Variants in TTC39B observed in about 807,000 individuals in gnomAD.
TTC39B encodes tetratricopeptide repeat protein 39B.
A neutral mutation model predicts 96.6 loss-of-function variants in TTC39B; 92 were observed. The observed-to-expected ratio is 0.95, with a 90% CI of 0.80 to 1.13. The LOEUF is 1.13. TTC39B is among the 50% of genes most tolerant of loss of function. The pLI is 0.00. For synonymous variants in TTC39B, 367 were observed against 299.4 expected (o/e 1.23, Z -2.33); for missense variants, 955 against 809.3 (o/e 1.18, Z -2.18).
chr9:15,214,328 G>C lies in TTC39B; in HGVS notation c.372-79C>G, dbSNP rs531943202. ...TTGTCCGAAGGGAGTGTGTGTGTGT[G>C]TGTGTGTGTGTGTGTGTGTCTGTGT... On this transcript the variant is annotated intron_variant, in intron 3 of 19. Transcript: ENST00000512701. 1.5e-4 allele frequency: 120 copies of C among 827,170 alleles called. No homozygotes were observed. In the African/African-American group the frequency reaches 1.8e-3, roughly 12 times the overall value. 51.2% of individuals were successfully genotyped at this position (827,170 alleles called of 1,614,324 possible).
At chr9:15,210,781 A>G (rs746128389) in intron 5 of TTC39B, among the ~76,000 whole-genome samples, 10 of 152,196 alleles carry the variant, frequency 6.6e-5, no homozygotes, top group Non-Finnish European at 1.3e-4. Flanking sequence ...TATCAAAATA[A>G]CTTACCCCTT....
intron 17 of TTC39B, 82 bp downstream of exon 17, chr9:15,182,225 G>C (rs1818283908): frequency 2.4e-6 from 2 of 824,522 alleles, no homozygotes; most frequent in Non-Finnish European, 3.8e-6. Context: ...AATTAATGTT[G>C]GCAGATGTGC....
chr9:15,173,346 G>A (rs142602235), intron 19 of TTC39B, among the ~76,000 whole-genome samples: 142 of 152,164 alleles, frequency 9.3e-4, no homozygotes, highest in African/African-American at 2.8e-3. Flanking sequence ...TACCATGCCC[G>A]TAAAGCTTTT....
intron 1 of TTC39B, among the ~76,000 whole-genome samples, chr9:15,290,467 A>G (rs577633645): frequency 1.3e-5 from 2 of 152,176 alleles, no homozygotes; most frequent in Non-Finnish European, 2.9e-5. Flanking sequence ...CTTTACCATA[A>G]AACAGAGTTC....
intron 2 of TTC39B, among the ~76,000 whole-genome samples, chr9:15,265,079 G>A (rs1338389229): frequency 6.6e-6 from 1 of 152,186 alleles, no homozygotes; most frequent in Non-Finnish European, 1.5e-5. Context: ...CTAACAAATG[G>A]TGCTGGAATA....
intron 2 of TTC39B, among the ~76,000 whole-genome samples, chr9:15,258,552 G>A (rs1181838376): frequency 6.6e-6 from 1 of 152,202 alleles, no homozygotes; most frequent in Non-Finnish European, 1.5e-5. Flanking sequence ...GCAGCAGGGA[G>A]CAGCAGCCAT....
chr9:15,250,109 A>T lies in TTC39B; in HGVS notation c.275+17805T>A, dbSNP rs1020094370. On this transcript the variant is annotated intron_variant, in intron 2 of 19. Transcript: ENST00000512701. ...GTGAGACTCTCAATTCTCAGGCACA[A>T]GCAAAGTAGTTGCCGAGGCAGCTGA... 1.2e-5 allele frequency: 15 copies of T among 1,256,342 alleles called. No homozygotes were observed. In the African/African-American group the frequency reaches 2.3e-4, roughly 20 times the overall value. The allele number at this position is 1,256,342 out of a possible 1,614,324, so 77.8% of individuals were successfully genotyped here. A position where few individuals can be genotyped will look rare whatever the true frequency, so the allele number is the denominator to read the frequency against.
At chr9:15,191,846 T>A (rs1044174308) in intron 9 of TTC39B, among the ~76,000 whole-genome samples, 5 of 152,214 alleles carry the variant, frequency 3.3e-5, no homozygotes, top group African/African-American at 1.2e-4. Context: ...AGAAGGATCA[T>A]GATTGGAAAA....
intron 2 of TTC39B, among the ~76,000 whole-genome samples, chr9:15,232,651 G>T (rs1234784979): frequency 6.6e-6 from 1 of 152,172 alleles, no homozygotes; most frequent in African/African-American, 2.4e-5. Context: ...AAGAAATGAG[G>T]GAAGAGACTA....
chr9:15,275,501 T>C (rs1409288505), intron 1 of TTC39B, among the ~76,000 whole-genome samples: 1 of 152,218 alleles, frequency 6.6e-6, no homozygotes, highest in Non-Finnish European at 1.5e-5. Context: ...AAGATTACTT[T>C]CTATGCATTT....
intron 2 of TTC39B, among the ~76,000 whole-genome samples, chr9:15,247,581 T>A (rs928226543): frequency 6.6e-6 from 1 of 152,116 alleles, no homozygotes; most frequent in Non-Finnish European, 1.5e-5. Flanking sequence ...GATTTTTCCA[T>A]TAGCATTCCT....
chr9:15,275,527 C>T (rs183685122), intron 1 of TTC39B, among the ~76,000 whole-genome samples: 16 of 152,286 alleles, frequency 1.1e-4, no homozygotes, highest in East Asian at 1.9e-4. Context: ...CTACCAGCAT[C>T]GATACGCCAA....
chr9:15,267,766 T>C (rs574887567), intron 2 of TTC39B, 148 bp downstream of exon 2: 37 of 615,910 alleles, frequency 6.0e-5, no homozygotes, highest in African/African-American at 6.0e-4. Context: ...TATAATCACA[T>C]CCTCTTTAAT....
chr9:15,225,767 T>A, intron 3 of TTC39B, 150 bp downstream of exon 3: 1 of 483,612 alleles, frequency 2.1e-6, no homozygotes. Context: ...CTTCCCTGAT[T>A]TATAAAATGG....
intron 15 of TTC39B, among the ~76,000 whole-genome samples, chr9:15,185,764 C>G (rs542107823): frequency 1.7e-4 from 26 of 152,298 alleles, no homozygotes; most frequent in African/African-American, 6.0e-4. Flanking sequence ...TACGAGTAAG[C>G]AGGAAAGAGT....
intron 1 of TTC39B, among the ~76,000 whole-genome samples, chr9:15,305,770 T>TTACACCTA (rs1295794800): frequency 4.0e-5 from 6 of 151,142 alleles, no homozygotes; most frequent in African/African-American, 1.2e-4. Context: ...CAGTCCCAGT[T>TTACACCTA]TACACCTATT....
At chr9:15,305,119 G>C (rs758031678) in intron 1 of TTC39B, among the ~76,000 whole-genome samples, 1 of 152,078 alleles carries the variant, frequency 6.6e-6, no homozygotes, top group Non-Finnish European at 1.5e-5. Flanking sequence ...TTATGAACTC[G>C]AGGTTAGAGT....
At chr9:15,221,045 C>A (rs936932174) in intron 3 of TTC39B, among the ~76,000 whole-genome samples, 2 of 152,182 alleles carry the variant, frequency 1.3e-5, no homozygotes, top group Admixed American at 6.5e-5. Flanking sequence ...CTGGTGATGA[C>A]CGCATAGCTA....
intron 1 of TTC39B, among the ~76,000 whole-genome samples, chr9:15,285,727 C>T (rs559768420): frequency 1.3e-5 from 2 of 151,960 alleles, no homozygotes; most frequent in Non-Finnish European, 2.9e-5. Flanking sequence ...TGGTGGCGGG[C>T]GCCTGTAGTC....
Sources: allele counts gnomAD v4.1 joint callset (sites outside exome capture counted in the v4.1 genomes callset), GRCh38; gene constraint gnomAD v4.1.1; transcripts MANE v1.5; gene names NCBI Gene and HGNC (gene_info 2026-07-23, HGNC 2026-07-21).